Variants in UIMC1 observed in about 807,000 individuals in gnomAD.
UIMC1 encodes the protein BRCA1-A complex subunit RAP80.
A neutral mutation model predicts 84.9 loss-of-function variants in UIMC1; 42 were observed. That is an observed-to-expected ratio of 0.49 (90% CI 0.39 to 0.64). The LOEUF (loss-of-function observed/expected upper bound fraction) is 0.64, where lower values mean the gene tolerates loss of function less well. UIMC1 is among the 30% of genes least tolerant of loss of function. The pLI, the probability that UIMC1 is intolerant of heterozygous loss-of-function variation, is 0.00. For missense variants in UIMC1, 825 were observed against 847.6 expected (o/e 0.97, Z 0.33); for synonymous variants, 281 against 293.0 (o/e 0.96, Z 0.42).
chr5:176,978,062 T>C (rs1201713415), intron 2 of UIMC1, among the ~76,000 whole-genome samples: 5 of 151,766 alleles, frequency 3.3e-5, no homozygotes, highest in African/African-American at 9.7e-5. Flanking sequence ...TATAAGAATA[T>C]GAAATACATA....
chr5:176,973,054 T>C (rs1158388241), intron 3 of UIMC1, among the ~76,000 whole-genome samples: 1 of 151,998 alleles, frequency 6.6e-6, no homozygotes, highest in Non-Finnish European at 1.5e-5. Flanking sequence ...TAGTTGGGAT[T>C]ATAGGTGCCT....
intron 1 of UIMC1, among the ~76,000 whole-genome samples, chr5:176,987,136 C>T (rs1248073210): frequency 6.6e-6 from 1 of 152,122 alleles, no homozygotes; most frequent in African/African-American, 2.4e-5. Context: ...AGGAGAATCA[C>T]TTGAACCCGG....
intron 1 of UIMC1, among the ~76,000 whole-genome samples, chr5:176,996,427 AC>A (rs1451449017): frequency 3.3e-5 from 5 of 152,194 alleles, no homozygotes; most frequent in Non-Finnish European, 7.3e-5. Flanking sequence ...AAGTCAATAA[AC>A]AAACTAAAAA....
intron 1 of UIMC1, among the ~76,000 whole-genome samples, chr5:176,998,223 T>A (rs1773911832): frequency 1.3e-5 from 2 of 151,818 alleles, no homozygotes; most frequent in African/African-American, 4.8e-5. Flanking sequence ...ACCCCTGTAA[T>A]CCCAGCACTT....
At chr5:176,957,474 C>G (rs1766747579) in intron 7 of UIMC1, among the ~76,000 whole-genome samples, 1 of 151,930 alleles carries the variant, frequency 6.6e-6, no homozygotes. Context: ...GAAGGTAAGC[C>G]CATCAATCAA....
chr5:176,964,983 C>T (rs2149477668), intron 6 of UIMC1, among the ~76,000 whole-genome samples: 1 of 152,308 alleles, frequency 6.6e-6, no homozygotes, highest in South Asian at 2.1e-4. Flanking sequence ...GCTATAGAAT[C>T]AGTGTCTTCA....
chr5:176,981,334 T>C (rs1482946751), intron 2 of UIMC1, among the ~76,000 whole-genome samples: 6 of 151,934 alleles, frequency 3.9e-5, no homozygotes, highest in Non-Finnish European at 1.5e-5. Flanking sequence ...TTAGTAGAGA[T>C]GGGATTTCAC....
chr5:176,923,658 G>GT (rs1761985299), intron 10 of UIMC1, among the ~76,000 whole-genome samples: 1 of 151,432 alleles, frequency 6.6e-6, no homozygotes, highest in Non-Finnish European at 1.5e-5. Flanking sequence ...GAGGTCAGCA[G>GT]TTTGAGACCA....
At chr5:176,953,117 G>A (rs552106488) in intron 8 of UIMC1, among the ~76,000 whole-genome samples, 9 of 152,190 alleles carry the variant, frequency 5.9e-5, no homozygotes, top group East Asian at 3.9e-4. Context: ...AGGACACAGC[G>A]GGAAGTTGTC....
At chr5:176,943,643 A>G (rs1764726730) in intron 9 of UIMC1, among the ~76,000 whole-genome samples, 155 bp from the exon 10 acceptor site, 2 of 152,236 alleles carry the variant, frequency 1.3e-5, no homozygotes, top group African/African-American at 4.8e-5. Context: ...TACTACTGAT[A>G]GAGTCAATAC....
chr5:176,927,486 G>A (rs1313006240), intron 10 of UIMC1, among the ~76,000 whole-genome samples: 6 of 151,746 alleles, frequency 4.0e-5, no homozygotes, highest in African/African-American at 7.3e-5. Context: ...ACTCCTGACC[G>A]CAAGTGATTC....
In UIMC1 at chr5:176,908,591, G is replaced by C; in HGVS notation, c.1780C>G (p.Pro594Ala). The change falls in exon 12 of 15, where the codon CCT becomes GCT. Residue 594 changes from proline to alanine, a missense_variant. Physicochemically the swap from Pro to Ala is conservative, Grantham distance 27. Coordinates refer to ENST00000511320, the MANE Select transcript of UIMC1 (RefSeq NM_001199298.2). ...QLAKADQGDG[P>A]EGSGRACSTV... The stretch of plus-strand genomic sequence containing the variant: ...GAACATGCTCTTCCACTCCCTTCAG[G>C]TCCATCTCCTTGGTCAGCCTTTGCA... The C allele has an allele frequency of 6.2e-7, 1 of 1,614,042 alleles. No homozygotes were observed. The highest frequency in any genetic ancestry group is 8.5e-7 in the Non-Finnish European group (1 of 1,179,996).
intron 1 of UIMC1, among the ~76,000 whole-genome samples, chr5:176,984,133 T>C (rs542235335): frequency 5.6e-4 from 37 of 66,416 alleles, no homozygotes; most frequent in Admixed American, 1.0e-3. Flanking sequence ...AAGTGAGGAG[T>C]GCCTCTGCCC....
chr5:176,908,774 G>A, intron 11 of UIMC1, 80 bp from the exon 12 acceptor site: 1 of 1,472,036 alleles, frequency 6.8e-7, no homozygotes, highest in Non-Finnish European at 9.2e-7. Flanking sequence ...GTCTCAAATT[G>A]TGTTTTTACG....
At chr5:176,917,567 GTC>G (rs1245697801) in intron 10 of UIMC1, among the ~76,000 whole-genome samples, 4 of 152,092 alleles carry the variant, frequency 2.6e-5, no homozygotes, top group African/African-American at 9.7e-5. Context: ...ATGAGACTCT[GTC>G]TCAAACAAAA....
At chr5:176,985,831 T>A (rs1395419713) in intron 1 of UIMC1, among the ~76,000 whole-genome samples, 1 of 152,148 alleles carries the variant, frequency 6.6e-6, no homozygotes, top group Non-Finnish European at 1.5e-5. Context: ...AGGTTAAGAT[T>A]TTTTAAATAC....
chr5:176,967,640 T>A (rs1046805800), intron 6 of UIMC1, among the ~76,000 whole-genome samples: 9 of 152,200 alleles, frequency 5.9e-5, no homozygotes, highest in African/African-American at 9.6e-5. Context: ...TGTTGGCTCA[T>A]GCCTACACTG....
chr5:176,935,474 C>G (rs1763614051), intron 10 of UIMC1, among the ~76,000 whole-genome samples: 4 of 152,160 alleles, frequency 2.6e-5, no homozygotes, highest in Admixed American at 2.0e-4. Context: ...TCAGTGAGAT[C>G]AGGGCCCATA....
At chr5:176,955,700 A>G (rs1182968410) in intron 8 of UIMC1, among the ~76,000 whole-genome samples, 1 of 152,202 alleles carries the variant, frequency 6.6e-6, no homozygotes, top group East Asian at 1.9e-4. Flanking sequence ...AGGCCTGTAA[A>G]CAATCAAGAA....
Sources: allele counts gnomAD v4.1 joint callset (sites outside exome capture counted in the v4.1 genomes callset), GRCh38; gene constraint gnomAD v4.1.1; transcripts MANE v1.5; gene names NCBI Gene and HGNC (gene_info 2026-07-23, HGNC 2026-07-21).